Variants in GALNT11 observed in about 807,000 individuals in gnomAD.
The protein encoded by GALNT11 is polypeptide N-acetylgalactosaminyltransferase 11, also known as UDP-GalNAc:polypeptide N-acetylgalactosaminyltransferase 11.
In GALNT11, 47 loss-of-function variants were observed where a neutral mutation model predicts 72.7. That is an observed-to-expected ratio of 0.65 (90% CI 0.51 to 0.82). GALNT11 has a LOEUF of 0.82. Among genes scored for constraint, GALNT11 ranks in the 40% least tolerant of loss-of-function variants. The probability of loss-of-function intolerance (pLI) is 0.00; values close to 1 mark genes in which losing one functional copy is unlikely to be tolerated. For missense variants in GALNT11, 677 were observed against 778.4 expected (o/e 0.87, Z 1.55); for synonymous variants, 270 against 286.6 (o/e 0.94, Z 0.58).
At position 152,085,923 on chromosome 7, in the gene GALNT11, C is replaced by G. The variant is rs6954504; in HGVS notation, c.-38-8267C>G. Among the ~76,000 whole-genome samples the G allele has an allele frequency of 7.5e-3, 1,130 of 150,292 alleles. 16 individuals carry two copies. The highest frequency in any genetic ancestry group is 0.027 in the African/African-American group (1,088 of 40,772). ...TTTTTTTTTGAGATGGAGTCTCGCT[C>G]TGTTGCCAGGCTGGAGTGCAGTAGT... On this transcript the variant is annotated intron_variant, in intron 1 of 11. Coordinates refer to ENST00000430044, the MANE Select transcript of GALNT11 (RefSeq NM_022087.4).
chr7:152,118,842 G>GCTCC, intron 10 of GALNT11, 60 bp downstream of exon 10: 1 of 1,371,496 alleles, frequency 7.3e-7, no homozygotes. Context: ...GTGTAGGGAA[G>GCTCC]CTGCTGCCAG....
chr7:152,027,891 G>GT (rs535930099), intron 1 of GALNT11, among the ~76,000 whole-genome samples: 3 of 152,132 alleles, frequency 2.0e-5, no homozygotes, highest in East Asian at 1.9e-4. Flanking sequence ...GTCTGGAGTT[G>GT]TTTTTTCCTC....
chr7:152,088,622 G>A (rs973148739), intron 1 of GALNT11, among the ~76,000 whole-genome samples: 1 of 151,810 alleles, frequency 6.6e-6, no homozygotes, highest in Non-Finnish European at 1.5e-5. Context: ...CCTCAGAAAG[G>A]GACATGGAGA....
intron 1 of GALNT11, among the ~76,000 whole-genome samples, chr7:152,062,290 C>G (rs2084063934): frequency 1.3e-5 from 2 of 152,046 alleles, no homozygotes; most frequent in East Asian, 3.9e-4. Flanking sequence ...GTATAAGGAT[C>G]CTTGTGATTT....
intron 1 of GALNT11, among the ~76,000 whole-genome samples, chr7:152,091,036 A>G (rs1469544444): frequency 2.0e-5 from 3 of 151,218 alleles, no homozygotes; most frequent in Non-Finnish European, 4.4e-5. Flanking sequence ...TTGGAGAGGG[A>G]GTTTTTGTTG....
intron 6 of GALNT11, among the ~76,000 whole-genome samples, chr7:152,108,965 T>C (rs773484278): frequency 6.6e-6 from 1 of 152,206 alleles, no homozygotes; most frequent in Admixed American, 6.5e-5. Context: ...GTTTCAGTTA[T>C]TCCTCCCCCA....
In GALNT11 at chr7:152,033,096, G is replaced by T. The variant is rs372097466; in HGVS notation, c.-39+7212G>T. ...AGGGTGATGACATGAGCTGGCGCTT[G>T]CCCGAGGCACCCTCAAGTCCTGTTG... On this transcript the variant is annotated intron_variant, in intron 1 of 11. Transcript: ENST00000430044. Among the ~76,000 whole-genome samples the T allele has an allele frequency of 4.2e-4, 64 of 152,328 alleles. 1 individual carries two copies. The highest frequency in any genetic ancestry group is 1.5e-3 in the African/African-American group (63 of 41,572).
chr7:152,061,522 TG>T (rs1304310432), intron 1 of GALNT11, among the ~76,000 whole-genome samples: 1 of 152,206 alleles, frequency 6.6e-6, no homozygotes, highest in Non-Finnish European at 1.5e-5. Flanking sequence ...CCATTGCTTT[TG>T]GTGTTTTAGA....
At chr7:152,116,420 T>C (rs1281266378) in intron 8 of GALNT11, among the ~76,000 whole-genome samples, 2 of 152,158 alleles carry the variant, frequency 1.3e-5, no homozygotes, top group East Asian at 3.9e-4. Flanking sequence ...TATTTTTTCG[T>C]AGAGACACGG....
At chr7:152,035,042 G>A (rs1586921647) in intron 1 of GALNT11, among the ~76,000 whole-genome samples, 2 of 152,194 alleles carry the variant, frequency 1.3e-5, no homozygotes, top group South Asian at 4.1e-4. Context: ...TGAGGGAGGG[G>A]AGGGATCTCC....
intron 6 of GALNT11, among the ~76,000 whole-genome samples, chr7:152,109,374 A>C (rs1174553599): frequency 6.6e-6 from 1 of 152,228 alleles, no homozygotes; most frequent in African/African-American, 2.4e-5. Flanking sequence ...TCAGACAGGA[A>C]GTCAGCGTTG....
At chr7:152,061,313 A>G (rs913573068) in intron 1 of GALNT11, among the ~76,000 whole-genome samples, 38 of 151,792 alleles carry the variant, frequency 2.5e-4, no homozygotes, top group African/African-American at 9.2e-4. Context: ...CCACTTTTTG[A>G]TGGGGTTGTT....
chr7:152,096,638 C>T (rs1388087593), intron 2 of GALNT11, among the ~76,000 whole-genome samples: 1 of 150,616 alleles, frequency 6.6e-6, no homozygotes, highest in Non-Finnish European at 1.5e-5. Flanking sequence ...TTGCTTGAAC[C>T]TGGGAGGCGG....
At chr7:152,036,194 A>C (rs957972692) in intron 1 of GALNT11, among the ~76,000 whole-genome samples, 5 of 152,130 alleles carry the variant, frequency 3.3e-5, no homozygotes, top group Non-Finnish European at 5.9e-5. Context: ...GATCTTATGC[A>C]TTCTATTTAA....
intron 1 of GALNT11, among the ~76,000 whole-genome samples, chr7:152,083,128 T>C (rs1305136851): frequency 1.3e-5 from 2 of 152,206 alleles, no homozygotes; most frequent in Admixed American, 6.5e-5. Context: ...GTTTGTCACT[T>C]GTCTTTTTAC....
intron 8 of GALNT11, among the ~76,000 whole-genome samples, chr7:152,115,400 TATAATA>T (rs1220279127): frequency 6.6e-6 from 1 of 152,188 alleles, no homozygotes; most frequent in Non-Finnish European, 1.5e-5. Flanking sequence ...ATATCATTGA[TATAATA>T]ATAATTTTAG....
chr7:152,051,656 G>A (rs2083411872), intron 1 of GALNT11, among the ~76,000 whole-genome samples: 1 of 151,936 alleles, frequency 6.6e-6, no homozygotes, highest in East Asian at 1.9e-4. Context: ...ACAGATGTAG[G>A]GTAGACTCTT....
intron 6 of GALNT11, 140 bp from the exon 7 acceptor site, chr7:152,110,388 G>A (rs2088053312): frequency 1.4e-6 from 1 of 713,904 alleles, no homozygotes. Flanking sequence ...CTCATTCTCT[G>A]ATACTGGATA....
intron 1 of GALNT11, chr7:152,075,328 CTTG>C (rs1301292838): frequency 5.3e-5 from 8 of 152,266 alleles, no homozygotes; most frequent in Admixed American, 2.0e-4. Flanking sequence ...AAGTCACCAC[CTTG>C]TTTTTAACTT....
Sources: allele counts gnomAD v4.1 joint callset (sites outside exome capture counted in the v4.1 genomes callset), GRCh38; gene constraint gnomAD v4.1.1; transcripts MANE v1.5; gene names NCBI Gene and HGNC (gene_info 2026-07-23, HGNC 2026-07-21).